The following RMP24 variants were observed in gnomAD, a reference collection of about 807,000 sequenced individuals.
RMP24 encodes ribonuclease MRP subunit p24.
the RMP24 span, chr18:35,973,599 T>C: frequency 6.6e-6 from 1 of 152,324 alleles, no homozygotes; most frequent in Admixed American, 6.5e-5. Flanking sequence ...CAGGCCAGTA[T>C]GCGAGCAAAT....
At chr18:35,977,777 G>A in the RMP24 span, among the ~76,000 whole-genome samples, 1 of 152,038 alleles carries the variant, frequency 6.6e-6, no homozygotes, top group African/African-American at 2.4e-5. Context: ...CAATGCATTT[G>A]ACTTCTAGGT....
chr18:35,979,091 G>C, the RMP24 span: 2 of 1,317,802 alleles, frequency 1.5e-6, no homozygotes, highest in Non-Finnish European at 2.1e-6. Context: ...ATGGAAACTA[G>C]ATCTGAATGC....
At chr18:35,974,964 G>C in the RMP24 span, 1 of 1,614,136 alleles carries the variant, frequency 6.2e-7, no homozygotes, top group East Asian at 2.2e-5. Flanking sequence ...TAACTCTCGA[G>C]TGCGTCTCAA....
At chr18:35,978,020 G>A in the RMP24 span, among the ~76,000 whole-genome samples, 2 of 152,130 alleles carry the variant, frequency 1.3e-5, no homozygotes, top group African/African-American at 2.4e-5. Flanking sequence ...CCTTGTCACC[G>A]ATTTCTATAT....
chr18:35,978,877 G>C, the RMP24 span: 1 of 1,612,512 alleles, frequency 6.2e-7, no homozygotes, highest in Non-Finnish European at 8.5e-7. Flanking sequence ...GCTCCTCAAA[G>C]AACACCAGCA....
the RMP24 span, chr18:35,974,829 G>A: frequency 4.3e-3 from 5,853 of 1,350,552 alleles, 22 homozygotes; most frequent in Non-Finnish European, 4.8e-3. Context: ...TTTTATAAAT[G>A]TTGACAGTTT....
chr18:35,972,963 G>C, the RMP24 span: 11 of 1,607,524 alleles, frequency 6.8e-6, no homozygotes, highest in East Asian at 2.2e-4. Flanking sequence ...GCTTTCCTCT[G>C]TTCCGCACAA....
chr18:35,978,036 A>G, the RMP24 span, among the ~76,000 whole-genome samples: 618 of 152,214 alleles, frequency 4.1e-3, 1 homozygote, highest in African/African-American at 0.014. Context: ...TATATATCCT[A>G]CTTCCCTGTT....
the RMP24 span, among the ~76,000 whole-genome samples, chr18:35,977,097 C>T: frequency 8.4e-3 from 1,273 of 152,140 alleles, 8 homozygotes; most frequent in Non-Finnish European, 0.014. Context: ...CAGTGGAAGG[C>T]GCCTGGTCTC....
chr18:35,973,022 A>C, the RMP24 span: 2 of 1,372,828 alleles, frequency 1.5e-6, no homozygotes, highest in Non-Finnish European at 2.1e-6. Flanking sequence ...AAACAACAAC[A>C]ACAAAGCCCG....
chr18:35,977,537 G>A, the RMP24 span: 1 of 1,614,172 alleles, frequency 6.2e-7, no homozygotes. Context: ...CCAGAGAGAA[G>A]GACTGCAAAC....
chr18:35,972,717 G>C, the RMP24 span: 1 of 1,601,818 alleles, frequency 6.2e-7, no homozygotes, highest in Non-Finnish European at 8.5e-7. Context: ...GCCAGCGGCA[G>C]CGGCGGCGGC....
At chr18:35,978,860 T>G in the RMP24 span, 1 of 1,609,496 alleles carries the variant, frequency 6.2e-7, no homozygotes, top group Non-Finnish European at 8.5e-7. Context: ...ACAGTCAGTA[T>G]CTACTTGCTC....
the RMP24 span, chr18:35,972,808 A>G: frequency 6.2e-7 from 1 of 1,614,148 alleles, no homozygotes; most frequent in South Asian, 1.1e-5. Context: ...TACCTCCTGT[A>G]AGAGGACTGG....
chr18:35,979,217 C>T, the RMP24 span: 4 of 410,898 alleles, frequency 9.7e-6, no homozygotes, highest in South Asian at 7.8e-5. Flanking sequence ...ATGAAAGTTC[C>T]TTGTAGATAC....
chr18:35,976,138 ATTTTTTTTTT>A, the RMP24 span, among the ~76,000 whole-genome samples: 2 of 72,758 alleles, frequency 2.7e-5, no homozygotes, highest in Admixed American at 1.9e-4. Context: ...TGTTTTTCTG[ATTTTTTTTTT>A]TTTTTTTTTT....
At chr18:35,978,037 C>T in the RMP24 span, among the ~76,000 whole-genome samples, 1 of 152,344 alleles carries the variant, frequency 6.6e-6, no homozygotes, top group South Asian at 2.1e-4. Flanking sequence ...ATATATCCTA[C>T]TTCCCTGTTT....
At chr18:35,972,919 G>A in the RMP24 span, 1 of 1,614,068 alleles carries the variant, frequency 6.2e-7, no homozygotes, top group Admixed American at 1.7e-5. Context: ...TAAGAAGAAC[G>A]CCTGTCTCTT....
At chr18:35,974,460 G>T in the RMP24 span, among the ~76,000 whole-genome samples, 1 of 151,990 alleles carries the variant, frequency 6.6e-6, no homozygotes, top group Non-Finnish European at 1.5e-5. Context: ...TGCATCCCTG[G>T]CACTTAGCAC....
Sources: gnomAD v4.1 joint callset for allele counts (sites outside exome capture counted in the v4.1 genomes callset) on GRCh38, gnomAD v4.1.1 for gene constraint, MANE v1.5 for transcripts, NCBI Gene and HGNC (gene_info 2026-07-23, HGNC 2026-07-21) for gene names.